Variants in SEL1L3 observed in about 807,000 individuals in gnomAD.
SEL1L3 encodes the protein protein sel-1 homolog 3.
In SEL1L3, 76 loss-of-function variants were observed where a neutral mutation model predicts 142.8. The observed-to-expected ratio is 0.53, with a 90% CI of 0.44 to 0.64. SEL1L3 has a LOEUF of 0.64. Among genes scored for constraint, SEL1L3 ranks in the 30% least tolerant of loss-of-function variants. SEL1L3 has a pLI of 0.00. For synonymous variants in SEL1L3, 504 were observed against 519.6 expected, an observed-to-expected ratio of 0.97 and a Z score of 0.41; for missense variants, 1,262 against 1,381.7, an observed-to-expected ratio of 0.91 and a Z score of 1.37.
At chr4:25,719,373 T>C in the SEL1L3 span, 36 of 152,254 alleles carry the variant, frequency 2.4e-4, no homozygotes, top group African/African-American at 7.9e-4. Context: ...GGAACTAGCG[T>C]GGCTTCAAAG....
At chr4:25,816,463 T>C (rs544362559) in intron 9 of SEL1L3, among the ~76,000 whole-genome samples, 2 of 152,148 alleles carry the variant, frequency 1.3e-5, no homozygotes, top group Non-Finnish European at 2.9e-5. Context: ...CAAGCAGCCA[T>C]GGAGTCCCTC....
chr4:25,761,507 A>G (rs985988170), intron 20 of SEL1L3, among the ~76,000 whole-genome samples: 14 of 152,206 alleles, frequency 9.2e-5, no homozygotes, highest in African/African-American at 3.4e-4. Flanking sequence ...CCAAGATTAA[A>G]ATAAGTGGGA....
intron 1 of SEL1L3, among the ~76,000 whole-genome samples, chr4:25,850,943 C>A (rs927544526): frequency 6.6e-6 from 1 of 152,002 alleles, no homozygotes; most frequent in African/African-American, 2.4e-5. Flanking sequence ...CTCTGCCGCC[C>A]AGGTTCAAGT....
chr4:25,840,067 C>T (rs537403458), intron 2 of SEL1L3, among the ~76,000 whole-genome samples: 1 of 152,210 alleles, frequency 6.6e-6, no homozygotes, highest in Non-Finnish European at 1.5e-5. Flanking sequence ...TCAAAAGAAT[C>T]AGGAAGTCTG....
At chr4:25,850,458 T>C (rs1050755493) in intron 1 of SEL1L3, among the ~76,000 whole-genome samples, 4 of 152,178 alleles carry the variant, frequency 2.6e-5, no homozygotes, top group African/African-American at 7.2e-5. Context: ...GACCAGAGTG[T>C]AGGAAGCATG....
intron 9 of SEL1L3, among the ~76,000 whole-genome samples, chr4:25,817,299 G>T (rs748653628): frequency 3.9e-5 from 6 of 152,296 alleles, no homozygotes; most frequent in South Asian, 2.1e-4. Flanking sequence ...CTCAGGATCT[G>T]GTTCTATGCC....
intron 13 of SEL1L3, among the ~76,000 whole-genome samples, chr4:25,787,825 A>T (rs1389009942): frequency 6.6e-6 from 1 of 152,072 alleles, no homozygotes; most frequent in Admixed American, 6.6e-5. Context: ...CAAGATCTTT[A>T]TTTTCATCAG....
At chr4:25,858,649 G>A (rs749795548) in intron 1 of SEL1L3, among the ~76,000 whole-genome samples, 5 of 151,958 alleles carry the variant, frequency 3.3e-5, no homozygotes, top group East Asian at 3.9e-4. Flanking sequence ...GCAGCGGCGC[G>A]ATCTCAGCTC....
At chr4:25,847,179 T>C (rs1351573275) in intron 2 of SEL1L3, 115 bp downstream of exon 2, 1 of 807,480 alleles carries the variant, frequency 1.2e-6, no homozygotes, top group Non-Finnish European at 2.0e-6. Context: ...ATTGTGTCCC[T>C]CCATCTTCCC....
At chr4:25,834,252 C>G (rs1367987722) in intron 3 of SEL1L3, among the ~76,000 whole-genome samples, 1 of 152,156 alleles carries the variant, frequency 6.6e-6, no homozygotes, top group Non-Finnish European at 1.5e-5. Flanking sequence ...CCAACTTAAC[C>G]AGGACACATT....
At chr4:25,810,639 C>G (rs1044876743) in intron 9 of SEL1L3, among the ~76,000 whole-genome samples, 3 of 152,166 alleles carry the variant, frequency 2.0e-5, no homozygotes, top group Admixed American at 6.5e-5. Context: ...TGGAGGTTCC[C>G]CAGGAAACAA....
At chr4:25,757,028 G>C in intron 23 of SEL1L3, 4 of 1,044,764 alleles carry the variant, frequency 3.8e-6, no homozygotes, top group Non-Finnish European at 4.8e-6. Flanking sequence ...AGCACTTCAG[G>C]AGGATGAGGC....
At chr4:25,849,865 G>T (rs778618871) in intron 1 of SEL1L3, among the ~76,000 whole-genome samples, 1 of 152,212 alleles carries the variant, frequency 6.6e-6, no homozygotes, top group Non-Finnish European at 1.5e-5. Context: ...CAGGCGAAAC[G>T]TGGTCAGTGT....
At chr4:25,802,484 A>C (rs756246190) in intron 10 of SEL1L3, 22 bp from the exon 11 acceptor site, 22 of 1,595,774 alleles carry the variant, frequency 1.4e-5, no homozygotes, top group South Asian at 2.2e-5. Flanking sequence ...AAATTGACAA[A>C]GCGTTCATGA....
intron 14 of SEL1L3, among the ~76,000 whole-genome samples, chr4:25,783,104 T>C (rs1711545504): frequency 6.6e-6 from 1 of 152,226 alleles, no homozygotes; most frequent in Non-Finnish European, 1.5e-5. Flanking sequence ...TAGACATCAA[T>C]TCACTACTAG....
At chr4:25,849,786 G>A (rs141942141) in intron 1 of SEL1L3, among the ~76,000 whole-genome samples, 113 of 152,262 alleles carry the variant, frequency 7.4e-4, no homozygotes, top group Admixed American at 3.9e-3. Context: ...TTAGAGCTGC[G>A]GGAGAGGCAA....
intron 5 of SEL1L3, 43 bp from the exon 6 acceptor site, chr4:25,830,199 C>T: frequency 1.6e-6 from 2 of 1,213,754 alleles, no homozygotes; most frequent in African/African-American, 1.5e-5. Flanking sequence ...TGCCTCATCA[C>T]CCTACATTAC....
At chr4:25,824,370 G>A (rs570308386) in intron 6 of SEL1L3, among the ~76,000 whole-genome samples, 1 of 152,236 alleles carries the variant, frequency 6.6e-6, no homozygotes, top group African/African-American at 2.4e-5. Context: ...GATGCTCACC[G>A]CCTCACTGCC....
chr4:25,781,246 C>T (rs1183679362), intron 15 of SEL1L3, among the ~76,000 whole-genome samples: 1 of 152,158 alleles, frequency 6.6e-6, no homozygotes, highest in Non-Finnish European at 1.5e-5. Flanking sequence ...GGAATGAAAG[C>T]TTCATAAGAT....
Sources: allele counts gnomAD v4.1 joint callset (sites outside exome capture counted in the v4.1 genomes callset), GRCh38; gene constraint gnomAD v4.1.1; transcripts MANE v1.5; gene names NCBI Gene and HGNC (gene_info 2026-07-23, HGNC 2026-07-21).